Variants in RNLS observed in about 807,000 individuals in gnomAD.
RNLS encodes the protein renalase, FAD dependent amine oxidase.
A neutral mutation model predicts 39.8 loss-of-function variants in RNLS; 39 were observed. The observed-to-expected ratio is 0.98, with a 90% confidence interval of 0.76 to 1.28. RNLS has a LOEUF of 1.28. Among genes scored for constraint, RNLS ranks in the 50% most tolerant of loss-of-function variants. The pLI is 0.00. For synonymous variants in RNLS, 147 were observed against 150.7 expected, an observed-to-expected ratio of 0.98 and a Z score of 0.18; for missense variants, 410 against 413.3, an observed-to-expected ratio of 0.99 and a Z score of 0.07.
At chr10:88,501,441 C>T (rs991582407) in intron 4 of RNLS, among the ~76,000 whole-genome samples, 1 of 152,152 alleles carries the variant, frequency 6.6e-6, no homozygotes, top group Non-Finnish European at 1.5e-5. Flanking sequence ...ATCTTATTCA[C>T]AAAATCGATT....
At chr10:88,350,105 T>C (rs1389484690) in intron 5 of RNLS, among the ~76,000 whole-genome samples, 1 of 152,084 alleles carries the variant, frequency 6.6e-6, no homozygotes, top group East Asian at 1.9e-4. Context: ...TTTCTTTTCC[T>C]TCTCTCCTTT....
At chr10:88,307,482 C>T (rs1186574739) in intron 6 of RNLS, among the ~76,000 whole-genome samples, 1 of 152,132 alleles carries the variant, frequency 6.6e-6, no homozygotes, top group Admixed American at 6.5e-5. Context: ...TCTCAGGATA[C>T]AAAATCAACG....
At position 88,473,048 on chromosome 10, in the gene RNLS, A is replaced by G. The variant is rs150977837; in HGVS notation, c.526+99855T>C. Among the ~76,000 whole-genome samples the G allele has an allele frequency of 2.0e-3, 310 of 152,336 alleles. 1 individual carries two copies. The highest frequency in any genetic ancestry group is 7.1e-3 in the African/African-American group (297 of 41,572). On this transcript the variant is annotated intron_variant, in intron 4 of 6. Coordinates refer to ENST00000331772, the MANE Select transcript of RNLS (RefSeq NM_001031709.3). ...GAACAGTCTACTACACACCTAGGCT[A>G]GGTGATACAGCCTATTGCTCCTAGG... is the stretch of plus-strand genomic sequence containing the variant.
At chr10:88,378,215 A>T (rs866637128) in intron 4 of RNLS, among the ~76,000 whole-genome samples, 15 of 152,288 alleles carry the variant, frequency 9.8e-5, no homozygotes, top group South Asian at 4.1e-4. Flanking sequence ...AACTAAAAAA[A>T]AAATAAGTCT....
chr10:88,235,309 T>C, the RNLS span, among the ~76,000 whole-genome samples: 4 of 142,196 alleles, frequency 2.8e-5, no homozygotes, highest in Non-Finnish European at 4.6e-5. Context: ...ATCCCTAACA[T>C]GGATCCAAAA....
chr10:88,254,915 T>C, the RNLS span, among the ~76,000 whole-genome samples: 53 of 152,246 alleles, frequency 3.5e-4, no homozygotes, highest in Non-Finnish European at 7.3e-5. Context: ...AGAAACATCA[T>C]GCCTTCCGAG....
At chr10:88,208,213 G>A in the RNLS span, among the ~76,000 whole-genome samples, 1 of 152,016 alleles carries the variant, frequency 6.6e-6, no homozygotes, top group Non-Finnish European at 1.5e-5. Context: ...ACATCTTATG[G>A]AACCTGCCTT....
At chr10:88,186,271 T>C in the RNLS span, among the ~76,000 whole-genome samples, 1 of 152,178 alleles carries the variant, frequency 6.6e-6, no homozygotes, top group African/African-American at 2.4e-5. Flanking sequence ...TCTGGTTTCA[T>C]GTATCTTAGC....
chr10:88,262,455 C>G, the RNLS span, among the ~76,000 whole-genome samples: 2 of 152,186 alleles, frequency 1.3e-5, no homozygotes, highest in African/African-American at 2.4e-5. Flanking sequence ...TCGGCACCCT[C>G]TGTGGTGCTT....
chr10:88,536,885 T>C (rs1345264093), intron 4 of RNLS, among the ~76,000 whole-genome samples: 3 of 152,184 alleles, frequency 2.0e-5, no homozygotes, highest in Admixed American at 6.6e-5. Flanking sequence ...CAATATTGGT[T>C]TATATGTTGA....
At chr10:88,464,315 C>G (rs570094082) in intron 4 of RNLS, among the ~76,000 whole-genome samples, 48 of 152,176 alleles carry the variant, frequency 3.2e-4, no homozygotes, top group South Asian at 2.7e-3. Context: ...ACAAAAGAAT[C>G]TCTGCTTACC....
chr10:88,581,800 A>G (rs1850583657), intron 2 of RNLS, 91 bp from the exon 3 acceptor site: 3 of 818,974 alleles, frequency 3.7e-6, no homozygotes, highest in South Asian at 3.5e-5. Flanking sequence ...CTCAGAGGTT[A>G]TAATTCAAAA....
Position 88,343,648 on chromosome 10 carries a change from C to A in RNLS, c.700+18904G>T, listed in dbSNP as rs1043098654. 2.5e-5 allele frequency: 25 copies of A among 985,198 alleles called. No homozygotes were observed. In the South Asian group the frequency reaches 1.1e-3, roughly 44 times the overall value. 61.0% of individuals were successfully genotyped at this position (985,198 alleles called of 1,614,324 possible). A position where few individuals can be genotyped will look rare whatever the true frequency, so the allele number is the denominator to read the frequency against. ...CGTTCCTTTAAAAATTCCATAGATT[C>A]TGTCCATTCAAAGAAAAGGCCACAT... is the stretch of plus-strand genomic sequence containing the variant. On this transcript the variant is annotated intron_variant, in intron 5 of 6. Transcript: ENST00000331772.
chr10:88,199,688 C>T, the RNLS span, among the ~76,000 whole-genome samples: 1 of 152,126 alleles, frequency 6.6e-6, no homozygotes, highest in Non-Finnish European at 1.5e-5. Flanking sequence ...CCCTGGCCTT[C>T]ACCTCCCATA....
chr10:88,437,215 T>C (rs1841459219), intron 4 of RNLS, among the ~76,000 whole-genome samples: 1 of 152,216 alleles, frequency 6.6e-6, no homozygotes, highest in Non-Finnish European at 1.5e-5. Flanking sequence ...TATAAAGAAG[T>C]ATCAATCTGC....
chr10:88,564,989 G>T lies in RNLS; in HGVS notation c.526+7914C>A, dbSNP rs1173045592. ...TAATCCTAAAGGCTACATATGATTA[G>T]AAAGAGAGAGAAAGAGAATGAGAAT... On this transcript the variant is annotated intron_variant, in intron 4 of 6. Coordinates refer to ENST00000331772, the MANE Select transcript of RNLS (RefSeq NM_001031709.3). Among the ~76,000 whole-genome samples the T allele has an allele frequency of 1.3e-5, 2 of 152,108 alleles. 1 individual carries two copies. Among genetic ancestry groups the T allele is most frequent in the Non-Finnish European group, 2.9e-5 (2 of 68,016 alleles).
At chr10:88,403,698 T>C (rs1038591375) in intron 4 of RNLS, among the ~76,000 whole-genome samples, 1 of 148,008 alleles carries the variant, frequency 6.8e-6, no homozygotes, top group African/African-American at 2.5e-5. Context: ...TTCTTGTAGC[T>C]TTTTTTTTTC....
the RNLS span, among the ~76,000 whole-genome samples, chr10:88,197,526 G>A: frequency 4.6e-5 from 7 of 152,106 alleles, no homozygotes; most frequent in African/African-American, 7.2e-5. Flanking sequence ...AACAACCACC[G>A]CAATTCGAAT....
intron 6 of RNLS, among the ~76,000 whole-genome samples, chr10:88,311,145 T>C (rs1336604240): frequency 6.6e-6 from 1 of 152,094 alleles, no homozygotes; most frequent in Admixed American, 6.6e-5. Context: ...GGGGGAAAAT[T>C]AGAGCTAAAC....
Sources: allele counts gnomAD v4.1 joint callset (sites outside exome capture counted in the v4.1 genomes callset), GRCh38; gene constraint gnomAD v4.1.1; transcripts MANE v1.5; gene names NCBI Gene and HGNC (gene_info 2026-07-23, HGNC 2026-07-21).